The following LPIN1 variants were observed in gnomAD, a reference collection of about 807,000 sequenced individuals.
LPIN1 encodes the protein lipin 1.
LPIN1 carries 71 observed loss-of-function variants against 107.5 expected under a neutral mutation model. The observed-to-expected ratio is 0.66, with a 90% CI of 0.55 to 0.80. LPIN1 has a LOEUF of 0.80. Among genes scored for constraint, LPIN1 ranks in the 30% least tolerant of loss-of-function variants. LPIN1 has a pLI of 0.00. For synonymous variants in LPIN1, 445 were observed against 452.6 expected, an observed-to-expected ratio of 0.98 and a Z score of 0.21; for missense variants, 1,043 against 1,160.6, an observed-to-expected ratio of 0.90 and a Z score of 1.47.
chr2:11,782,200 G>C lies in LPIN1; in HGVS notation c.958-1G>C, dbSNP rs755804887. On this transcript the variant is annotated splice_acceptor_variant, in intron 7 of 20. Coordinates refer to ENST00000674199, the MANE Select transcript of LPIN1 (RefSeq NM_001349206.2). LOFTEE classifies it high-confidence loss of function. ...CTGTCCCTCTCTCCTCTTTGCTCTA[G>C]TCTTCTTCTCCACACAAGATGAAAG... The C allele has an allele frequency of 2.5e-6, 4 of 1,613,024 alleles. No homozygotes were observed. The Admixed American group carries it at 6.7e-5, about 27-fold the overall frequency.
At chr2:11,802,800 A>T (rs372692632) in intron 14 of LPIN1, 107 bp from the exon 15 acceptor site, 97 of 1,307,966 alleles carry the variant, frequency 7.4e-5, no homozygotes, top group African/African-American at 4.5e-4. Flanking sequence ...GAGAGACGGG[A>T]CTCAGGAGAG....
chr2:11,683,303 CA>C (rs1458566059), intron 1 of LPIN1: 1 of 152,232 alleles, frequency 6.6e-6, no homozygotes, highest in African/African-American at 2.4e-5. Context: ...CTAAGAACCA[CA>C]TAAAATAATG....
chr2:11,810,265 AT>A (rs1449134085), intron 17 of LPIN1, among the ~76,000 whole-genome samples: 2 of 152,180 alleles, frequency 1.3e-5, no homozygotes, highest in African/African-American at 4.8e-5. Flanking sequence ...CAGGAAGTTA[AT>A]TTTGATTGAC....
At chr2:11,749,241 C>G (rs546571583) in intron 1 of LPIN1, among the ~76,000 whole-genome samples, 131 of 152,248 alleles carry the variant, frequency 8.6e-4, no homozygotes, top group Non-Finnish European at 1.4e-3. Context: ...CTGAAATGTT[C>G]GCTTTCTGAG....
chr2:11,688,572 G>C (rs1662123912), intron 1 of LPIN1, among the ~76,000 whole-genome samples: 1 of 152,158 alleles, frequency 6.6e-6, no homozygotes, highest in Non-Finnish European at 1.5e-5. Context: ...CTCGGGTCCC[G>C]GTGTCCTGGC....
At chr2:11,813,755 AAAT>A (rs953316713) in intron 17 of LPIN1, among the ~76,000 whole-genome samples, 46 of 152,026 alleles carry the variant, frequency 3.0e-4, no homozygotes, top group African/African-American at 1.1e-3. Context: ...TCTCTATAAA[AAAT>A]ACAAAAATTA....
chr2:11,813,401 T>C (rs192269886), intron 17 of LPIN1, among the ~76,000 whole-genome samples: 11 of 152,148 alleles, frequency 7.2e-5, no homozygotes, highest in African/African-American at 2.4e-4. Flanking sequence ...AAAGTAAACT[T>C]TAATGTCGAA....
In LPIN1 at chr2:11,786,097, C is replaced by G. The variant is rs1195234343; in HGVS notation, c.1550-977C>G. ...TGGCAGCACTGACAAGGCTGGGCAC[C>G]GTTATCTGAGTGTTATCTCATGGGG... On this transcript the variant is annotated intron_variant, in intron 10 of 20. Coordinates refer to ENST00000674199, the MANE Select transcript of LPIN1 (RefSeq NM_001349206.2). This position sits in a 1 kb window ranked among gnomAD's most constrained non-coding sequence, Gnocchi z 4.1. 6.6e-6 allele frequency among the ~76,000 whole-genome samples: 1 copy of G among 152,012 alleles called. No individual in the cohort carries two copies. The highest frequency in any genetic ancestry group is 2.1e-4 in the South Asian group (1 of 4,808).
At chr2:11,680,635 G>A (rs1366985529) in intron 1 of LPIN1, among the ~76,000 whole-genome samples, 3 of 152,194 alleles carry the variant, frequency 2.0e-5, no homozygotes, top group Admixed American at 2.0e-4. Flanking sequence ...AGAGCTGACG[G>A]GGGTGGAGCT....
At chr2:11,772,101 A>C (rs1018269755) in intron 4 of LPIN1, among the ~76,000 whole-genome samples, 1 of 152,188 alleles carries the variant, frequency 6.6e-6, no homozygotes, top group Non-Finnish European at 1.5e-5. Flanking sequence ...TGTGCAGTTC[A>C]CAACAGGGTT....
intron 14 of LPIN1, among the ~76,000 whole-genome samples, chr2:11,800,395 G>A (rs1039992053): frequency 2.6e-5 from 4 of 152,080 alleles, no homozygotes; most frequent in African/African-American, 9.7e-5. Flanking sequence ...GGGCAGTATT[G>A]GGTTGTAGGG....
At chr2:11,796,682 C>T (rs753455432) in intron 14 of LPIN1, among the ~76,000 whole-genome samples, 8 of 152,084 alleles carry the variant, frequency 5.3e-5, no homozygotes, top group Non-Finnish European at 8.8e-5. Flanking sequence ...AGGAAGGCAC[C>T]AGGGTATCGA....
rs965824206 is a variant in LPIN1 at position 11,825,269 on chromosome 2, G to A, written c.*478G>A. 5.0e-6 allele frequency: 1 copy of A among 198,116 alleles called. No homozygotes were observed. The highest frequency in any genetic ancestry group is 1.0e-5 in the Non-Finnish European group (1 of 95,434). 12.3% of individuals were successfully genotyped at this position (198,116 alleles called of 1,614,324 possible). A position where few individuals can be genotyped will look rare whatever the true frequency, so the allele number is the denominator to read the frequency against. On this transcript the variant is annotated 3_prime_UTR_variant, in exon 21 of 21. Transcript: ENST00000674199. The surrounding 1 kb of genome is among the most constrained non-coding windows in gnomAD (Gnocchi z 4.1). Reference sequence around the variant, plus strand: ...GTGCCACCACCTTCTGAACACAGTGGGGAGGGCTGTGAAGGCTCATGTGAC... The same window carrying A: ...GTGCCACCACCTTCTGAACACAGTGAGGAGGGCTGTGAAGGCTCATGTGAC...
At chr2:11,710,601 C>T (rs893017882) in intron 1 of LPIN1, among the ~76,000 whole-genome samples, 1 of 152,184 alleles carries the variant, frequency 6.6e-6, no homozygotes, top group Non-Finnish European at 1.5e-5. Flanking sequence ...CTGTATGGTA[C>T]GTTACTGTTT....
chr2:11,705,446 C>A (rs1047615312), intron 1 of LPIN1, among the ~76,000 whole-genome samples: 3 of 152,164 alleles, frequency 2.0e-5, no homozygotes, highest in Admixed American at 2.0e-4. Flanking sequence ...TTGCAAACTG[C>A]GCTAAGTGCC....
intron 1 of LPIN1, among the ~76,000 whole-genome samples, chr2:11,733,842 C>T (rs1373776373): frequency 1.3e-5 from 2 of 152,132 alleles, no homozygotes; most frequent in South Asian, 2.1e-4. Context: ...TGGCACTCCC[C>T]GCAGAGCAGC....
chr2:11,729,379 G>A (rs1664972993), intron 1 of LPIN1, among the ~76,000 whole-genome samples: 1 of 152,164 alleles, frequency 6.6e-6, no homozygotes, highest in Non-Finnish European at 1.5e-5. Flanking sequence ...TATGTAAAGG[G>A]GGAAGACCTT....
chr2:11,695,828 T>G lies in LPIN1; in HGVS notation c.82-17928T>G, dbSNP rs1237794421. Among the ~76,000 whole-genome samples, 3 of 152,142 alleles carry G rather than the reference T, an allele frequency of 2.0e-5. No individual in the cohort carries two copies. In the East Asian group the frequency reaches 5.8e-4, roughly 29 times the overall value. On this transcript the variant is annotated intron_variant, in intron 1 of 21. Transcript: ENST00000449576. The stretch of plus-strand genomic sequence containing the variant: ...TGAGTGGAACCTTAGCATGAGTGAC[T>G]CCATTTTGGGTTGGTCTGTTGGGAC...
chr2:11,789,432 GTGTGTGTATGTGCA>G (rs755351872), intron 12 of LPIN1, among the ~76,000 whole-genome samples: 15 of 152,072 alleles, frequency 9.9e-5, no homozygotes, highest in Non-Finnish European at 1.8e-4. Context: ...ATGTGTGTGC[GTGTGTGTATGTGCA>G]TGTGTATATG....
Sources: gnomAD v4.1 joint callset for allele counts (sites outside exome capture counted in the v4.1 genomes callset) on GRCh38, gnomAD v4.1.1 for gene constraint, Gnocchi (gnomAD v3.1) non-coding constraint, MANE v1.5 for transcripts, NCBI Gene and HGNC (gene_info 2026-07-23, HGNC 2026-07-21) for gene names.